ARHGAP18: variants seen among roughly 807,000 people sequenced by gnomAD.
ARHGAP18 encodes the protein Rho GTPase activating protein 18.
ARHGAP18 carries 67 observed loss-of-function variants against 86.2 expected under a neutral mutation model. That is an observed-to-expected ratio of 0.78 (90% CI 0.64 to 0.95). The LOEUF is 0.95. Among genes scored for constraint, ARHGAP18 ranks in the 40% least tolerant of loss-of-function variants. ARHGAP18 has a pLI of 0.00. For synonymous variants in ARHGAP18, 283 were observed against 280.4 expected (o/e 1.01, Z -0.09); for missense variants, 691 against 780.4 (o/e 0.89, Z 1.37).
At chr6:129,615,551 T>A (rs537417493) in intron 7 of ARHGAP18, among the ~76,000 whole-genome samples, 44 of 152,352 alleles carry the variant, frequency 2.9e-4, no homozygotes, top group Admixed American at 6.5e-4. Context: ...GAAACGGTGA[T>A]ATGCCTGGGC....
At chr6:129,676,913 C>CTTTTTTTTTTTTTTTTTTTTTTTT (rs1562721123) in intron 1 of ARHGAP18, among the ~76,000 whole-genome samples, 1 of 34,592 alleles carries the variant, frequency 2.9e-5, no homozygotes, top group African/African-American at 8.5e-5. Flanking sequence ...ATTTTTTGTC[C>CTTTTTTTTTTTTTTTTTTTTTTTT]TCTTTTTTTT....
chr6:129,590,289 C>T (rs1045126773), intron 12 of ARHGAP18, among the ~76,000 whole-genome samples: 1 of 152,124 alleles, frequency 6.6e-6, no homozygotes, highest in African/African-American at 2.4e-5. Context: ...TGCCATGCTT[C>T]CTTATGAAAT....
chr6:129,615,807 G>A (rs1358736886), intron 7 of ARHGAP18, among the ~76,000 whole-genome samples: 2 of 151,994 alleles, frequency 1.3e-5, no homozygotes, highest in Non-Finnish European at 2.9e-5. Flanking sequence ...TGCCTACTTT[G>A]GAAATAGGCA....
intron 12 of ARHGAP18, among the ~76,000 whole-genome samples, chr6:129,598,316 G>C (rs1226789150): frequency 2.0e-5 from 3 of 152,160 alleles, no homozygotes; most frequent in Non-Finnish European, 4.4e-5. Context: ...TTAAGAGTGA[G>C]AGCTATAAAT....
At chr6:129,656,814 T>C (rs1160745451) in intron 1 of ARHGAP18, among the ~76,000 whole-genome samples, 2 of 152,206 alleles carry the variant, frequency 1.3e-5, no homozygotes, top group African/African-American at 4.8e-5. Context: ...CTTAAGCCCA[T>C]TTCCTCTGAG....
At chr6:129,635,540 A>G (rs1417839494) in intron 3 of ARHGAP18, among the ~76,000 whole-genome samples, 1 of 152,238 alleles carries the variant, frequency 6.6e-6, no homozygotes, top group Non-Finnish European at 1.5e-5. Flanking sequence ...GTCTCACAAA[A>G]GAACACATAT....
chr6:129,605,948 T>C lies in ARHGAP18; in HGVS notation c.1294A>G (p.Lys432Glu). Residue 432 changes from lysine to glutamate, a missense_variant, in exon 10 of 15, where the codon AAG becomes GAG. Coordinates refer to ENST00000368149, the MANE Select transcript of ARHGAP18 (RefSeq NM_033515.3). ...TTCAAAGCCTGTAGTTGCTGCTTCT[T>C]GGTTGGAAGATCTGCAGACAAATTA... ...AFQAVQNLPT[K>E]KQQLQALNLL... The C allele has an allele frequency of 6.2e-7, 1 of 1,613,438 alleles. No individual in the cohort carries two copies. The highest frequency in any genetic ancestry group is 8.5e-7 in the Non-Finnish European group (1 of 1,179,490).
At chr6:129,616,797 TA>T (rs1004077797) in intron 6 of ARHGAP18, among the ~76,000 whole-genome samples, 39 of 150,686 alleles carry the variant, frequency 2.6e-4, no homozygotes, top group African/African-American at 8.8e-4. Flanking sequence ...TTATGAAAAA[TA>T]AAAAAAAATT....
chr6:129,643,863 G>C (rs950644643), intron 1 of ARHGAP18, among the ~76,000 whole-genome samples: 1 of 152,172 alleles, frequency 6.6e-6, no homozygotes, highest in Non-Finnish European at 1.5e-5. Context: ...AACTCTGGGC[G>C]AATCTATCCA....
chr6:129,700,671 C>T (rs1488762906), intron 1 of ARHGAP18, among the ~76,000 whole-genome samples: 3 of 152,174 alleles, frequency 2.0e-5, no homozygotes, highest in African/African-American at 2.4e-5. Context: ...ATCGAAAACA[C>T]GTACTTTATG....
intron 1 of ARHGAP18, among the ~76,000 whole-genome samples, chr6:129,649,322 G>A (rs900003356): frequency 1.3e-5 from 2 of 152,138 alleles, no homozygotes; most frequent in African/African-American, 2.4e-5. Flanking sequence ...TCGGGAGGCC[G>A]AGGCGGGCAA....
At chr6:129,594,515 C>T (rs528078581) in intron 12 of ARHGAP18, among the ~76,000 whole-genome samples, 7 of 152,252 alleles carry the variant, frequency 4.6e-5, no homozygotes, top group African/African-American at 1.7e-4. Context: ...TAATATGAAC[C>T]ACTCTATGAC....
chr6:129,687,244 T>C (rs1231357608), intron 1 of ARHGAP18, among the ~76,000 whole-genome samples: 1 of 152,090 alleles, frequency 6.6e-6, no homozygotes, highest in Non-Finnish European at 1.5e-5. Flanking sequence ...GCAACTCTAG[T>C]TCACGGGTCT....
At chr6:129,578,975 AAAT>A (rs981401932) in intron 14 of ARHGAP18, among the ~76,000 whole-genome samples, 1 of 152,032 alleles carries the variant, frequency 6.6e-6, no homozygotes, top group Non-Finnish European at 1.5e-5. Flanking sequence ...AAAACAAAAC[AAAT>A]AATAATAATA....
At chr6:129,694,694 C>G (rs1774584375) in intron 1 of ARHGAP18, among the ~76,000 whole-genome samples, 1 of 152,202 alleles carries the variant, frequency 6.6e-6, no homozygotes. Context: ...GGCATATATC[C>G]TCTTAGCTGA....
At chr6:129,590,039 T>C (rs1033195078) in intron 12 of ARHGAP18, among the ~76,000 whole-genome samples, 2 of 152,204 alleles carry the variant, frequency 1.3e-5, no homozygotes, top group African/African-American at 4.8e-5. Context: ...AAGTCTGTTC[T>C]TTCCACTTTC....
At chr6:129,595,597 T>G (rs552964035) in intron 12 of ARHGAP18, among the ~76,000 whole-genome samples, 78 of 152,216 alleles carry the variant, frequency 5.1e-4, no homozygotes, top group African/African-American at 1.9e-3. Context: ...CCCTCCAATC[T>G]TACACTCCCT....
chr6:129,642,079 A>C, intron 1 of ARHGAP18, 61 bp from the exon 2 acceptor site: 1 of 1,447,030 alleles, frequency 6.9e-7, no homozygotes, highest in South Asian at 1.2e-5. Context: ...ATAATTTCTA[A>C]GACATCACAG....
At chr6:129,642,217 A>G (rs1351248190) in intron 1 of ARHGAP18, among the ~76,000 whole-genome samples, 199 bp from the exon 2 acceptor site, 1 of 152,216 alleles carries the variant, frequency 6.6e-6, no homozygotes, top group Non-Finnish European at 1.5e-5. Context: ...CTCCACAGAA[A>G]AGTATGGGGA....
Sources: allele counts gnomAD v4.1 joint callset (sites outside exome capture counted in the v4.1 genomes callset), GRCh38; gene constraint gnomAD v4.1.1; transcripts MANE v1.5; gene names NCBI Gene and HGNC (gene_info 2026-07-23, HGNC 2026-07-21).